LRRC4C: variants seen among roughly 807,000 people sequenced by gnomAD.
LRRC4C encodes leucine rich repeat containing 4C.
LRRC4C carries 5 observed loss-of-function variants against 33.6 expected under a neutral mutation model. That is an observed-to-expected ratio of 0.15 (90% CI 0.08 to 0.31). The LOEUF is 0.31. Among genes scored for constraint, LRRC4C ranks in the 10% least tolerant of loss-of-function variants. LRRC4C has a pLI of 1.00. For synonymous variants in LRRC4C, 329 were observed against 302.0 expected, an observed-to-expected ratio of 1.09 and a Z score of -0.93; for missense variants, 560 against 796.7, an observed-to-expected ratio of 0.70 and a Z score of 3.58.
At chr11:41,276,343 A>G (rs1238676401) in intron 1 of LRRC4C, among the ~76,000 whole-genome samples, 2 of 133,354 alleles carry the variant, frequency 1.5e-5, no homozygotes, top group Admixed American at 1.4e-4. Context: ...TAGCTCCTTG[A>G]ACATGCCCAT....
intron 2 of LRRC4C, among the ~76,000 whole-genome samples, chr11:40,698,786 C>T (rs1374736167): frequency 1.3e-5 from 2 of 152,102 alleles, no homozygotes; most frequent in African/African-American, 4.8e-5. Flanking sequence ...GCACATCTTA[C>T]ATTGAGGCAG....
chr11:41,362,522 A>G (rs2137683124), intron 1 of LRRC4C, among the ~76,000 whole-genome samples: 1 of 152,154 alleles, frequency 6.6e-6, no homozygotes, highest in South Asian at 2.1e-4. Context: ...TCAGTGTTGC[A>G]GAATCATTCA....
chr11:40,760,859 A>ATATG (rs1949178592), intron 2 of LRRC4C, among the ~76,000 whole-genome samples: 1 of 146,694 alleles, frequency 6.8e-6, no homozygotes, highest in Non-Finnish European at 1.5e-5. Flanking sequence ...ATATATGTAT[A>ATATG]TATGTATGTA....
At chr11:40,832,864 A>G (rs1952482312) in intron 2 of LRRC4C, among the ~76,000 whole-genome samples, 1 of 152,158 alleles carries the variant, frequency 6.6e-6, no homozygotes, top group Admixed American at 6.6e-5. Flanking sequence ...ATGCCTATTA[A>G]TATAAAATCA....
intron 1 of LRRC4C, among the ~76,000 whole-genome samples, chr11:41,366,342 G>C (rs1288805813): frequency 6.6e-6 from 1 of 151,734 alleles, no homozygotes; most frequent in Non-Finnish European, 1.5e-5. Flanking sequence ...ATTAATTCTA[G>C]ACAAAGAAAA....
At chr11:41,274,183 T>A (rs954753349) in intron 1 of LRRC4C, among the ~76,000 whole-genome samples, 4 of 152,058 alleles carry the variant, frequency 2.6e-5, no homozygotes, top group Non-Finnish European at 5.9e-5. Context: ...CAGCCAGGCT[T>A]AGAACATATA....
intron 1 of LRRC4C, among the ~76,000 whole-genome samples, chr11:41,338,860 A>G (rs1472545144): frequency 1.3e-5 from 2 of 152,154 alleles, no homozygotes; most frequent in Admixed American, 6.6e-5. Flanking sequence ...CCTCCGGCAC[A>G]TTGTTTAACA....
intron 1 of LRRC4C, among the ~76,000 whole-genome samples, chr11:41,404,207 G>T (rs1954131466): frequency 6.6e-6 from 1 of 151,810 alleles, no homozygotes; most frequent in Non-Finnish European, 1.5e-5. Context: ...TCTTTCTCTG[G>T]CATCCCATAA....
chr11:41,013,684 C>G (rs550026831), intron 1 of LRRC4C, among the ~76,000 whole-genome samples: 14 of 152,262 alleles, frequency 9.2e-5, no homozygotes, highest in African/African-American at 3.4e-4. Flanking sequence ...AGTAAGATCA[C>G]TGTCTGGTGT....
intron 1 of LRRC4C, among the ~76,000 whole-genome samples, chr11:41,115,823 T>C (rs1292120564): frequency 6.6e-6 from 1 of 152,084 alleles, no homozygotes; most frequent in East Asian, 1.9e-4. Context: ...TGAATCACAA[T>C]CTCATTATTG....
rs552198133 is a variant in LRRC4C, at chr11:40,459,721, T to C, written c.-269-140000A>G. ...GGGTGATGACTCACAAAGCTCTATT[T>C]GGGAGTCTGAATTTGGGGAGAATCT... is the stretch of plus-strand genomic sequence containing the variant. On this transcript the variant is annotated intron_variant, in intron 3 of 6. Coordinates refer to ENST00000528697, the MANE Select transcript of LRRC4C (RefSeq NM_001258419.2). 3.8e-4 allele frequency among the ~76,000 whole-genome samples: 58 copies of C among 152,244 alleles called. 3 individuals carry two copies. The highest frequency in any genetic ancestry group is 1.2e-3 in the African/African-American group (51 of 41,560).
intron 1 of LRRC4C, among the ~76,000 whole-genome samples, chr11:41,445,404 GC>G (rs903120728): frequency 6.6e-6 from 1 of 152,040 alleles, no homozygotes; most frequent in Admixed American, 6.5e-5. Context: ...CAACCTGAAT[GC>G]CCCCCCACCC....
rs1229320504 is a variant in LRRC4C, at chr11:40,343,266, G to A, written c.-269-23545C>T. Among the ~76,000 whole-genome samples the A allele has an allele frequency of 2.0e-5, 3 of 152,006 alleles. No homozygotes were observed. In the East Asian group the frequency reaches 5.8e-4, roughly 29 times the overall value. ...TAGCAGAAATCTAGAATTAACCTAAGTCTATCAATAAGAGACTGATTAAGC... is the reference window on the plus strand; with the variant it reads ...TAGCAGAAATCTAGAATTAACCTAAATCTATCAATAAGAGACTGATTAAGC... On this transcript the variant is annotated intron_variant, in intron 3 of 6. Transcript: ENST00000528697.
At chr11:41,052,936 C>T (rs1858346619) in intron 1 of LRRC4C, among the ~76,000 whole-genome samples, 1 of 152,076 alleles carries the variant, frequency 6.6e-6, no homozygotes, top group Non-Finnish European at 1.5e-5. Context: ...TCAAATTTTA[C>T]TAGTCCATTA....
intron 5 of LRRC4C, among the ~76,000 whole-genome samples, chr11:40,153,326 T>C (rs1288830341): frequency 1.3e-5 from 2 of 152,118 alleles, no homozygotes; most frequent in African/African-American, 4.8e-5. Context: ...TGACAGAGCC[T>C]ATCCAAATGA....
intron 1 of LRRC4C, among the ~76,000 whole-genome samples, chr11:41,375,539 T>C (rs1952906212): frequency 6.6e-6 from 1 of 152,182 alleles, no homozygotes; most frequent in South Asian, 2.1e-4. Flanking sequence ...CAATGTTCAG[T>C]GTGAGTTTCA....
chr11:41,372,422 C>T (rs911297225), intron 1 of LRRC4C, among the ~76,000 whole-genome samples: 7 of 152,142 alleles, frequency 4.6e-5, no homozygotes, highest in African/African-American at 1.2e-4. Context: ...AGACAGGTTT[C>T]GTAGCATACT....
chr11:40,439,157 G>C (rs1951278157), intron 3 of LRRC4C, among the ~76,000 whole-genome samples: 1 of 150,818 alleles, frequency 6.6e-6, no homozygotes, highest in African/African-American at 2.4e-5. Context: ...ACCCAGGATG[G>C]TCTTGATCTT....
At chr11:41,210,699 C>G (rs900109296) in intron 1 of LRRC4C, among the ~76,000 whole-genome samples, 1 of 152,076 alleles carries the variant, frequency 6.6e-6, no homozygotes, top group Non-Finnish European at 1.5e-5. Flanking sequence ...AATAAACTAG[C>G]CTAAGAACAG....
Sources: allele counts gnomAD v4.1 joint callset (sites outside exome capture counted in the v4.1 genomes callset), GRCh38; gene constraint gnomAD v4.1.1; transcripts MANE v1.5; gene names NCBI Gene and HGNC (gene_info 2026-07-23, HGNC 2026-07-21).